RSRC1: variants seen among roughly 807,000 people sequenced by gnomAD.
RSRC1 encodes arginine and serine rich coiled-coil 1.
In RSRC1, 39 loss-of-function variants were observed where a neutral mutation model predicts 49.1. That is an observed-to-expected ratio of 0.79 (90% CI 0.61 to 1.04). The LOEUF (loss-of-function observed/expected upper bound fraction) is 1.04. Among genes scored for constraint, RSRC1 ranks in the 50% least tolerant of loss-of-function variants. RSRC1 has a pLI of 0.00. For synonymous variants in RSRC1, 143 were observed against 130.8 expected (o/e 1.09, Z -0.63); for missense variants, 388 against 402.4 (o/e 0.96, Z 0.31).
At chr3:158,369,386 A>G (rs1463940257) in intron 6 of RSRC1, among the ~76,000 whole-genome samples, 1 of 152,062 alleles carries the variant, frequency 6.6e-6, no homozygotes, top group Non-Finnish European at 1.5e-5. Flanking sequence ...AATGATGAAT[A>G]CTTTCCCAGG....
chr3:158,171,777 C>G (rs906576922), intron 3 of RSRC1, among the ~76,000 whole-genome samples: 1 of 151,958 alleles, frequency 6.6e-6, no homozygotes, highest in African/African-American at 2.4e-5. Flanking sequence ...TAGACAGATC[C>G]TGTATCTACC....
At chr3:158,468,034 T>C (rs1018856271) in intron 7 of RSRC1, among the ~76,000 whole-genome samples, 6 of 152,160 alleles carry the variant, frequency 3.9e-5, no homozygotes, top group Non-Finnish European at 4.4e-5. Flanking sequence ...CCTGGGTTCA[T>C]GCCATTCTCC....
At chr3:158,416,919 G>T (rs1326503025) in intron 6 of RSRC1, among the ~76,000 whole-genome samples, 1 of 151,642 alleles carries the variant, frequency 6.6e-6, no homozygotes, top group Non-Finnish European at 1.5e-5. Flanking sequence ...TTTTTTTTAA[G>T]GTGAATAATA....
intron 3 of RSRC1, among the ~76,000 whole-genome samples, chr3:158,127,965 A>T (rs1715742893): frequency 6.6e-6 from 1 of 152,134 alleles, no homozygotes; most frequent in African/African-American, 2.4e-5. Context: ...TATTTGAAGC[A>T]TGTACTTCAC....
At chr3:158,313,966 C>T (rs143595124) in intron 5 of RSRC1, among the ~76,000 whole-genome samples, 1 of 152,266 alleles carries the variant, frequency 6.6e-6, no homozygotes, top group East Asian at 1.9e-4. Flanking sequence ...CAAAAAAGAT[C>T]TCTAAACACA....
intron 7 of RSRC1, among the ~76,000 whole-genome samples, chr3:158,530,174 A>T (rs9830994): frequency 0.2 from 30,395 of 151,912 alleles, 3,706 homozygotes; most frequent in African/African-American, 0.34. Flanking sequence ...ACAGATTTAT[A>T]TAAGAATTGT....
At chr3:158,153,842 C>CT (rs11382840) in intron 3 of RSRC1, among the ~76,000 whole-genome samples, 96,072 of 152,024 alleles carry the variant, frequency 0.63, 30,966 homozygotes, top group African/African-American at 0.73. Context: ...TAAAACTTCT[C>CT]TTTGTCTGTT....
intron 4 of RSRC1, among the ~76,000 whole-genome samples, chr3:158,213,503 T>TA (rs35441217): frequency 0.57 from 86,681 of 151,684 alleles, 25,137 homozygotes; most frequent in East Asian, 0.73. Context: ...CTTGTGGGTA[T>TA]AAACCCAAAG....
At position 158,416,769 on chromosome 3, in the gene RSRC1, G is replaced by A. The variant is rs186070668; in HGVS notation, c.584-44166G>A. ...GGTATATTCCAAAGCAAAGATAACC[G>A]ATAATGTTGTACTTCTTTTTTTTCT... On this transcript the variant is annotated intron_variant, in intron 6 of 9. Coordinates refer to ENST00000611884, the MANE Select transcript of RSRC1 (RefSeq NM_001271838.2). 1.3e-3 allele frequency among the ~76,000 whole-genome samples: 195 copies of A among 152,156 alleles called. 1 individual carries two copies. The highest frequency in any genetic ancestry group is 2.1e-3 in the South Asian group (10 of 4,826).
chr3:158,165,313 A>G (rs1020362499), intron 3 of RSRC1, among the ~76,000 whole-genome samples: 3 of 152,222 alleles, frequency 2.0e-5, no homozygotes, highest in Non-Finnish European at 4.4e-5. Flanking sequence ...GCTTTGTGAT[A>G]GTTGCATAAT....
chr3:158,359,619 A>G (rs939409636), intron 6 of RSRC1, among the ~76,000 whole-genome samples: 1 of 152,142 alleles, frequency 6.6e-6, no homozygotes, highest in African/African-American at 2.4e-5. Context: ...AAGCTTGAAG[A>G]TCCCAGGAAC....
chr3:158,116,183 T>A (rs2108153239), intron 1 of RSRC1, among the ~76,000 whole-genome samples: 1 of 152,296 alleles, frequency 6.6e-6, no homozygotes, highest in East Asian at 1.9e-4. Context: ...AAAATTCAAA[T>A]TTTTGCTTGC....
chr3:158,462,519 T>G (rs1285838054), intron 7 of RSRC1, among the ~76,000 whole-genome samples: 1 of 152,006 alleles, frequency 6.6e-6, no homozygotes, highest in Non-Finnish European at 1.5e-5. Context: ...TTAATTGGAA[T>G]CTTAATCAGT....
intron 3 of RSRC1, among the ~76,000 whole-genome samples, chr3:158,139,059 A>G (rs1214830559): frequency 1.3e-5 from 2 of 152,158 alleles, no homozygotes; most frequent in Non-Finnish European, 2.9e-5. Context: ...ACTGCTTAAT[A>G]TTTGATGACA....
At chr3:158,465,080 A>G (rs956695030) in intron 7 of RSRC1, among the ~76,000 whole-genome samples, 4 of 152,160 alleles carry the variant, frequency 2.6e-5, no homozygotes, top group Non-Finnish European at 4.4e-5. Context: ...ATCTAGATCC[A>G]TACTAGGTTG....
In RSRC1 at chr3:158,212,242, A is replaced by C. The variant is rs117133913; in HGVS notation, c.494+8997A>C. ...GATTTTAGGTAATTAAATCCAGCTT[A>C]GAAACATGTAAAAGTGATAACATTG... On this transcript the variant is annotated intron_variant, in intron 4 of 9. Transcript: ENST00000611884. Among the ~76,000 whole-genome samples the C allele has an allele frequency of 3.3e-5, 5 of 152,040 alleles. 1 individual carries two copies. In the East Asian group the frequency reaches 9.7e-4, roughly 29 times the overall value.
intron 4 of RSRC1, among the ~76,000 whole-genome samples, chr3:158,210,156 A>G (rs1292894260): frequency 6.6e-6 from 1 of 152,064 alleles, no homozygotes; most frequent in South Asian, 2.1e-4. Flanking sequence ...CCCTATTTGC[A>G]TATAGGTTAT....
At chr3:158,194,572 G>C (rs1720448386) in intron 3 of RSRC1, among the ~76,000 whole-genome samples, 1 of 146,566 alleles carries the variant, frequency 6.8e-6, no homozygotes, top group South Asian at 2.2e-4. Flanking sequence ...ATGTATACAT[G>C]TGCCATGTTG....
chr3:158,117,613 A>AT (rs1318687494), intron 1 of RSRC1, among the ~76,000 whole-genome samples: 5 of 138,184 alleles, frequency 3.6e-5, no homozygotes, highest in Admixed American at 7.5e-5. Flanking sequence ...TTTTTGGGTA[A>AT]TTTTTTTTTG....
Sources: gnomAD v4.1 joint callset for allele counts (sites outside exome capture counted in the v4.1 genomes callset) on GRCh38, gnomAD v4.1.1 for gene constraint, MANE v1.5 for transcripts, NCBI Gene and HGNC (gene_info 2026-07-23, HGNC 2026-07-21) for gene names.